UBE3A: variants seen among roughly 807,000 people sequenced by gnomAD.
The protein encoded by UBE3A is ubiquitin protein ligase E3A.
UBE3A carries 6 observed loss-of-function variants against 83.4 expected under a neutral mutation model. That is an observed-to-expected ratio of 0.07 (90% confidence interval 0.04 to 0.14). The LOEUF (loss-of-function observed/expected upper bound fraction) is 0.14. Among genes scored for constraint, UBE3A ranks in the 10% least tolerant of loss-of-function variants. UBE3A has a pLI of 1.00. For synonymous variants in UBE3A, 337 were observed against 355.4 expected (o/e 0.95, Z 0.58); for missense variants, 456 against 1,036.1 (o/e 0.44, Z 7.69).
intron 1 of UBE3A, chr15:25,415,873 A>T (rs2090816041): frequency 6.7e-6 from 1 of 149,540 alleles, no homozygotes; most frequent in East Asian, 2.0e-4. Context: ...AAAAAAAGGA[A>T]TCAGGACCCA....
chr15:25,384,096 T>C (rs1224189560), intron 4 of UBE3A, among the ~76,000 whole-genome samples: 1 of 152,056 alleles, frequency 6.6e-6, no homozygotes, highest in East Asian at 1.9e-4. Context: ...CCATTTAAAA[T>C]GAAATCAAAG....
chr15:25,433,832 T>C (rs1013393510), intron 1 of UBE3A, among the ~76,000 whole-genome samples: 10 of 152,212 alleles, frequency 6.6e-5, no homozygotes, highest in Non-Finnish European at 1.3e-4. Flanking sequence ...TCCTAGCACC[T>C]TGGGAGGCCA....
chr15:25,394,149 T>C (rs2085018271), intron 4 of UBE3A, among the ~76,000 whole-genome samples: 1 of 152,188 alleles, frequency 6.6e-6, no homozygotes, highest in African/African-American at 2.4e-5. Flanking sequence ...ACCTATTCTA[T>C]TATATATAAT....
chr15:25,333,862 CAGA>C lies in UBE3A; in HGVS notation c.*5272_*5274del, dbSNP rs2073836846. The C allele has an allele frequency of 6.7e-6, 1 of 148,240 alleles. No individual in the cohort carries two copies. The highest frequency in any genetic ancestry group is 2.0e-4 in the East Asian group (1 of 5,098). 9.2% of individuals were successfully genotyped at this position (148,240 alleles called of 1,614,324 possible). A position where few individuals can be genotyped will look rare whatever the true frequency, so the allele number is the denominator to read the frequency against. ...ACAAAACAACATGAAAATCTTGATA[CAGA>C]AGAAGCATTTAACAAAACCCACAGC... On this transcript the variant is annotated 3_prime_UTR_variant, in exon 13 of 13. Transcript: ENST00000648336.
chr15:25,352,604 G>A (rs912571744), intron 11 of UBE3A, among the ~76,000 whole-genome samples: 3 of 152,308 alleles, frequency 2.0e-5, no homozygotes, highest in Admixed American at 2.0e-4. Context: ...GCTTGATGCA[G>A]GGTTGCCACC....
chr15:25,410,794 TC>T (rs2089839101), intron 2 of UBE3A, among the ~76,000 whole-genome samples: 1 of 152,116 alleles, frequency 6.6e-6, no homozygotes, highest in Non-Finnish European at 1.5e-5. Flanking sequence ...GATACTCCTA[TC>T]CTAACTATAC....
rs553995195 is a variant in UBE3A, at chr15:25,336,588, A to C, written c.*2549T>G. ...CTATCTATCATCTCCCTATACAAGC[A>C]AGCATCCCCAAAAGTAGTTGTCTCA... On this transcript the variant is annotated 3_prime_UTR_variant, in exon 13 of 13. Coordinates refer to ENST00000648336, the MANE Select transcript of UBE3A (RefSeq NM_130839.5). The C allele has an allele frequency of 7.4e-4, 113 of 152,252 alleles. No homozygotes were observed. The highest frequency in any genetic ancestry group is 2.6e-3 in the African/African-American group (108 of 41,546). 9.4% of individuals were successfully genotyped at this position (152,252 alleles called of 1,614,324 possible).
At chr15:25,390,963 A>C (rs1410289698) in intron 4 of UBE3A, among the ~76,000 whole-genome samples, 2 of 152,078 alleles carry the variant, frequency 1.3e-5, no homozygotes, top group African/African-American at 4.8e-5. Context: ...ATCTAAAAAA[A>C]AATAGAATAC....
intron 4 of UBE3A, among the ~76,000 whole-genome samples, chr15:25,404,889 A>C (rs1223175829): frequency 2.0e-5 from 3 of 152,152 alleles, no homozygotes; most frequent in Non-Finnish European, 2.9e-5. Context: ...CCTGATTCCC[A>C]GTCACATTTC....
intron 6 of UBE3A, among the ~76,000 whole-genome samples, chr15:25,366,007 G>C (rs138997541): frequency 1.2e-4 from 19 of 152,196 alleles, no homozygotes; most frequent in African/African-American, 4.1e-4. Flanking sequence ...AATTTATGTA[G>C]GCTGGAATCT....
intron 1 of UBE3A, among the ~76,000 whole-genome samples, chr15:25,427,602 C>CCAAAAA (rs1891700455): frequency 1.6e-5 from 1 of 64,182 alleles, no homozygotes; most frequent in Non-Finnish European, 2.6e-5. Context: ...CCCATCTCTA[C>CCAAAAA]AAAAAAAAAA....
chr15:25,372,193 G>C (rs2080409387), intron 5 of UBE3A, among the ~76,000 whole-genome samples: 1 of 151,946 alleles, frequency 6.6e-6, no homozygotes, highest in African/African-American at 2.4e-5. Context: ...CCTCACTGTA[G>C]AACACACAGA....
chr15:25,421,329 T>C (rs1889734105), intron 1 of UBE3A, among the ~76,000 whole-genome samples: 1 of 152,236 alleles, frequency 6.6e-6, no homozygotes, highest in East Asian at 1.9e-4. Context: ...GCCATGCTTG[T>C]ACAGCCTGCA....
chr15:25,365,855 T>G (rs1189644723), intron 6 of UBE3A, among the ~76,000 whole-genome samples: 1 of 152,146 alleles, frequency 6.6e-6, no homozygotes, highest in African/African-American at 2.4e-5. Flanking sequence ...TCCAAATTAA[T>G]TTTTTCATGT....
chr15:25,429,554 A>G (rs1892436488), intron 1 of UBE3A, among the ~76,000 whole-genome samples: 1 of 152,172 alleles, frequency 6.6e-6, no homozygotes, highest in Admixed American at 6.5e-5. Context: ...TATCAGAATA[A>G]AAATATGATA....
intron 4 of UBE3A, among the ~76,000 whole-genome samples, chr15:25,395,299 G>C (rs2085301684): frequency 6.6e-6 from 1 of 152,048 alleles, no homozygotes; most frequent in Non-Finnish European, 1.5e-5. Flanking sequence ...TAAATAACAT[G>C]GTTTAACTCA....
chr15:25,391,652 C>T (rs2084414622), intron 4 of UBE3A: 1 of 151,998 alleles, frequency 6.6e-6, no homozygotes, highest in Non-Finnish European at 1.5e-5. Context: ...CTGAGCAGTA[C>T]ATGTCAGGAA....
Position 25,335,936 on chromosome 15 carries a change from C to T in UBE3A, c.*3201G>A, listed in dbSNP as rs1211384141. ...GGTGTTGTCAAGGTTATAGATGTTA[C>T]TGATTTTGGCAATGAGGAGATTATA... On this transcript the variant is annotated 3_prime_UTR_variant, in exon 13 of 13. Coordinates refer to ENST00000648336, the MANE Select transcript of UBE3A (RefSeq NM_130839.5). The T allele has an allele frequency of 6.6e-6, 1 of 152,188 alleles. No homozygotes were observed. The highest frequency in any genetic ancestry group is 2.4e-5 in the African/African-American group (1 of 41,430). 9.4% of individuals were successfully genotyped at this position (152,188 alleles called of 1,614,324 possible). A position where few individuals can be genotyped will look rare whatever the true frequency, so the allele number is the denominator to read the frequency against.
Position 25,407,478 on chromosome 15 carries a change from T to C in UBE3A, c.20+1610A>G, listed in dbSNP as rs144241676. 331 of 167,952 alleles carry C rather than the reference T, an allele frequency of 2.0e-3. 3 individuals carry two copies. The highest frequency in any genetic ancestry group is 7.4e-3 in the African/African-American group (310 of 41,746). 10.4% of individuals were successfully genotyped at this position (167,952 alleles called of 1,614,324 possible). ...AAAGTTTTGAGATCCTGAAATGGGA[T>C]AGAGTTTAAATACATTATCAAATGA... On this transcript the variant is annotated intron_variant, in intron 3 of 12. Transcript: ENST00000648336.
Sources: gnomAD v4.1 joint callset for allele counts (sites outside exome capture counted in the v4.1 genomes callset) on GRCh38, gnomAD v4.1.1 for gene constraint, MANE v1.5 for transcripts, NCBI Gene and HGNC (gene_info 2026-07-23, HGNC 2026-07-21) for gene names.